The following SPATA31H1 variants were observed in gnomAD, a reference collection of about 807,000 sequenced individuals.
SPATA31H1 encodes SPATA31 subfamily H member 1.
chr2:27,581,378 T>C, the SPATA31H1 span: 1 of 1,613,138 alleles, frequency 6.2e-7, no homozygotes, highest in Non-Finnish European at 8.5e-7. Flanking sequence ...CCAGTCCTTC[T>C]GAGAGAAGCT....
the SPATA31H1 span, among the ~76,000 whole-genome samples, chr2:27,541,707 C>A: frequency 6.6e-6 from 1 of 152,004 alleles, no homozygotes; most frequent in Admixed American, 6.5e-5. Flanking sequence ...TGGAGATATT[C>A]ATCAAGCAGC....
At chr2:27,546,626 G>A in the SPATA31H1 span, among the ~76,000 whole-genome samples, 3 of 152,022 alleles carry the variant, frequency 2.0e-5, no homozygotes, top group Admixed American at 1.3e-4. Flanking sequence ...TCAACCTCTT[G>A]GGCTCAAGTG....
the SPATA31H1 span, chr2:27,567,176 G>C: frequency 2.8e-4 from 185 of 654,368 alleles, no homozygotes; most frequent in African/African-American, 2.7e-3. Context: ...GAATGAGCAA[G>C]AGTCATTTGA....
At chr2:27,574,134 A>G in the SPATA31H1 span, 1 of 398,556 alleles carries the variant, frequency 2.5e-6, no homozygotes, top group Non-Finnish European at 4.4e-6. Flanking sequence ...GCAAGGAGTG[A>G]AATCTTCTGA....
At chr2:27,579,645 C>G in the SPATA31H1 span, 6 of 1,614,058 alleles carry the variant, frequency 3.7e-6, no homozygotes, top group Non-Finnish European at 5.1e-6. Flanking sequence ...GGGCCAGCTT[C>G]CTGTCCTGGT....
chr2:27,551,340 TAGG>T, the SPATA31H1 span, among the ~76,000 whole-genome samples: 21 of 152,040 alleles, frequency 1.4e-4, no homozygotes, highest in Non-Finnish European at 2.9e-4. Context: ...CCTCCTAACA[TAGG>T]AGAAGTAATT....
chr2:27,570,424 G>A, the SPATA31H1 span: 3 of 398,796 alleles, frequency 7.5e-6, no homozygotes, highest in Non-Finnish European at 1.3e-5. Flanking sequence ...AAGCTGCAAG[G>A]TGTCAATTCT....
the SPATA31H1 span, chr2:27,567,325 C>G: frequency 3.6e-6 from 2 of 550,466 alleles, no homozygotes; most frequent in Non-Finnish European, 6.4e-6. Flanking sequence ...CGGCAACAAA[C>G]AGCACCTTTA....
chr2:27,581,025 A>G, the SPATA31H1 span: 4 of 1,614,208 alleles, frequency 2.5e-6, no homozygotes, highest in Non-Finnish European at 2.5e-6. Context: ...CAGTAGTAGC[A>G]GATCAAAGAA....
chr2:27,545,243 G>A, the SPATA31H1 span, among the ~76,000 whole-genome samples: 3 of 151,928 alleles, frequency 2.0e-5, no homozygotes, highest in South Asian at 2.1e-4. Flanking sequence ...GACAGGTTTC[G>A]AACTCCTGAC....
chr2:27,577,746 A>C, the SPATA31H1 span: 1 of 1,614,130 alleles, frequency 6.2e-7, no homozygotes, highest in Non-Finnish European at 8.5e-7. This position sits in a 1 kb window ranked among gnomAD's most constrained non-coding sequence, Gnocchi z 4.5. Context: ...TCCAGGGATA[A>C]TATCAGGGTT....
the SPATA31H1 span, chr2:27,566,399 T>C: frequency 5.6e-6 from 4 of 716,328 alleles, no homozygotes; most frequent in African/African-American, 7.0e-5. Flanking sequence ...GGCAATGTAG[T>C]TTCTGGGTGG....
the SPATA31H1 span, chr2:27,580,556 A>G: frequency 6.2e-7 from 1 of 1,614,248 alleles, no homozygotes; most frequent in East Asian, 2.2e-5. Flanking sequence ...AGAGGATTGG[A>G]GCAACTCAGA....
chr2:27,579,055 G>A, the SPATA31H1 span: 2 of 1,614,034 alleles, frequency 1.2e-6, no homozygotes, highest in Non-Finnish European at 1.7e-6. Flanking sequence ...ACAACTAAGA[G>A]GAAGCAAATG....
chr2:27,549,792 G>C, the SPATA31H1 span, among the ~76,000 whole-genome samples: 1 of 151,880 alleles, frequency 6.6e-6, no homozygotes, highest in Non-Finnish European at 1.5e-5. Context: ...CTGGGTGACA[G>C]AGCAAGACTC....
the SPATA31H1 span, chr2:27,566,834 T>A: frequency 2.8e-6 from 2 of 717,832 alleles, no homozygotes; most frequent in Non-Finnish European, 5.2e-6. Flanking sequence ...TATGCTGTTG[T>A]GACTATAAGA....
chr2:27,577,545 A>G, the SPATA31H1 span: 2 of 1,614,032 alleles, frequency 1.2e-6, no homozygotes, highest in Non-Finnish European at 1.7e-6. The surrounding 1 kb of genome is among the most constrained non-coding windows in gnomAD (Gnocchi z 4.5). Context: ...GATCTCTGAG[A>G]AAAGACTGCA....
the SPATA31H1 span, among the ~76,000 whole-genome samples, chr2:27,540,009 CG>C: frequency 8.0e-6 from 1 of 125,058 alleles, no homozygotes; most frequent in African/African-American, 3.2e-5. Flanking sequence ...GCTGGCCGGG[CG>C]GGGGGCTGAC....
the SPATA31H1 span, among the ~76,000 whole-genome samples, chr2:27,556,891 A>G: frequency 3.4e-4 from 33 of 97,098 alleles, no homozygotes; most frequent in Middle Eastern, 3.5e-3. Context: ...CTGGGTACTT[A>G]AGATTAGGGA....
Sources: gnomAD v4.1 joint callset for allele counts (sites outside exome capture counted in the v4.1 genomes callset) on GRCh38, gnomAD v4.1.1 for gene constraint, Gnocchi (gnomAD v3.1) non-coding constraint, MANE v1.5 for transcripts, NCBI Gene and HGNC (gene_info 2026-07-23, HGNC 2026-07-21) for gene names.